CEP112: variants seen among roughly 807,000 people sequenced by gnomAD.
CEP112 encodes centrosomal protein of 112 kDa.
In CEP112, 127 loss-of-function variants were observed where a neutral mutation model predicts 153.0. The ratio of observed to expected loss-of-function variants is 0.83; its 90% CI spans 0.72 to 0.96. CEP112 has a LOEUF of 0.96. CEP112 is among the 40% of genes least tolerant of loss of function. The probability of loss-of-function intolerance (pLI) is 0.00; values close to 1 mark genes in which losing one functional copy is unlikely to be tolerated. For missense variants in CEP112, 1,089 were observed against 1,101.2 expected (o/e 0.99, Z 0.16); for synonymous variants, 358 against 374.4 (o/e 0.96, Z 0.51).
At chr17:65,991,780 T>C (rs7209011) in intron 17 of CEP112, among the ~76,000 whole-genome samples, 88,752 of 151,714 alleles carry the variant, frequency 0.58, 27,331 homozygotes, top group African/African-American at 0.72. Flanking sequence ...ACTATTAATT[T>C]CTTGAGATAT....
At chr17:66,084,373 A>G (rs999729428) in intron 8 of CEP112, among the ~76,000 whole-genome samples, 2 of 152,236 alleles carry the variant, frequency 1.3e-5, no homozygotes, top group Admixed American at 6.5e-5. Context: ...TGTTTATTGC[A>G]GCACTAATAA....
intron 21 of CEP112, among the ~76,000 whole-genome samples, chr17:65,771,836 G>A (rs1020059996): frequency 6.6e-6 from 1 of 151,922 alleles, no homozygotes; most frequent in Non-Finnish European, 1.5e-5. Context: ...GCAACATAGT[G>A]AGACCCCATG....
At chr17:66,108,238 G>A (rs935286890) in intron 6 of CEP112, among the ~76,000 whole-genome samples, 13 of 152,024 alleles carry the variant, frequency 8.6e-5, no homozygotes, top group African/African-American at 3.1e-4. Flanking sequence ...CATTGGAGTG[G>A]GCAAAGATTT....
At chr17:65,658,770 T>A (rs1253290245) in intron 24 of CEP112, among the ~76,000 whole-genome samples, 1 of 152,020 alleles carries the variant, frequency 6.6e-6, no homozygotes, top group Non-Finnish European at 1.5e-5. Context: ...TATAAGGGAC[T>A]TCCACATTTA....
chr17:65,777,931 G>A (rs960387708), intron 21 of CEP112, among the ~76,000 whole-genome samples: 1 of 152,002 alleles, frequency 6.6e-6, no homozygotes, highest in Non-Finnish European at 1.5e-5. Context: ...TCAGTTCATT[G>A]GTCCATCACA....
intron 17 of CEP112, among the ~76,000 whole-genome samples, chr17:65,985,047 A>AGGT (rs1378853213): frequency 2.0e-5 from 3 of 152,230 alleles, no homozygotes; most frequent in African/African-American, 7.2e-5. Context: ...ATTGGCTTGA[A>AGGT]GGTAGATGAT....
intron 8 of CEP112, among the ~76,000 whole-genome samples, chr17:66,085,304 C>T (rs1179010356): frequency 1.3e-5 from 2 of 152,104 alleles, no homozygotes; most frequent in African/African-American, 4.8e-5. Flanking sequence ...TTTTAATCAT[C>T]CTAAAAAGAA....
At chr17:65,827,925 T>C (rs1394525179) in intron 21 of CEP112, among the ~76,000 whole-genome samples, 5 of 152,208 alleles carry the variant, frequency 3.3e-5, no homozygotes, top group Non-Finnish European at 2.9e-5. Flanking sequence ...GGCCACACTA[T>C]ATAAATGGTA....
At chr17:65,675,365 C>T (rs985761349) in intron 24 of CEP112, among the ~76,000 whole-genome samples, 1 of 152,166 alleles carries the variant, frequency 6.6e-6, no homozygotes, top group Non-Finnish European at 1.5e-5. Context: ...ACCACCATGT[C>T]CAGCTAATTT....
chr17:65,941,510 T>C (rs976406946), intron 18 of CEP112: 2 of 152,158 alleles, frequency 1.3e-5, no homozygotes, highest in East Asian at 3.8e-4. Context: ...AATTCAAAAA[T>C]CATCTTACAA....
intron 20 of CEP112, among the ~76,000 whole-genome samples, chr17:65,893,398 G>A (rs2059546504): frequency 6.6e-6 from 1 of 152,076 alleles, no homozygotes; most frequent in East Asian, 1.9e-4. Context: ...AACCCTGGAA[G>A]TCTAATTGTG....
chr17:65,758,728 A>G (rs1193955978), intron 21 of CEP112, among the ~76,000 whole-genome samples: 3 of 152,236 alleles, frequency 2.0e-5, no homozygotes, highest in African/African-American at 7.2e-5. Flanking sequence ...TCTGAATAAA[A>G]TAGTTGTTTT....
Position 66,029,231 on chromosome 17 carries a change from CTCT to C in CEP112, c.1392_1394del (p.Glu465del), listed in dbSNP as rs754911911. On this transcript the variant is annotated inframe_deletion, in exon 14 of 27. Transcript: ENST00000535342. The stretch of plus-strand genomic sequence containing the variant: ...CATAATCATTTACAAGATGGTCCTT[CTCT>C]TTATGCAGTGTGTTACGCCTAAAAA... The C allele has an allele frequency of 2.0e-5, 32 of 1,611,520 alleles. No homozygotes were observed. Among genetic ancestry groups the C allele is most frequent in the Non-Finnish European group, 2.5e-5 (30 of 1,178,484 alleles).
intron 9 of CEP112, among the ~76,000 whole-genome samples, chr17:66,069,548 A>C (rs1306791631): frequency 6.6e-6 from 1 of 152,122 alleles, no homozygotes; most frequent in East Asian, 1.9e-4. Flanking sequence ...AAACCAAAAG[A>C]ATATTAGAAT....
rs570051244 is a variant in CEP112 at position 66,185,384 on chromosome 17, G to A, written c.-8-2077C>T. On this transcript the variant is annotated intron_variant, in intron 1 of 26. Coordinates refer to ENST00000535342, the MANE Select transcript of CEP112 (RefSeq NM_001199165.4). ...ATTACAGGCACACACCACCATGCCCGGCTAACTTTTCTATTTTTAGTAGAG... is the reference window on the plus strand; with the variant it reads ...ATTACAGGCACACACCACCATGCCCAGCTAACTTTTCTATTTTTAGTAGAG... Among the ~76,000 whole-genome samples the A allele has an allele frequency of 9.4e-4, 143 of 152,102 alleles. 1 individual carries two copies. Among genetic ancestry groups the A allele is most frequent in the African/African-American group, 3.3e-3 (136 of 41,506 alleles).
At chr17:65,773,119 T>C (rs1211494945) in intron 21 of CEP112, among the ~76,000 whole-genome samples, 1 of 152,002 alleles carries the variant, frequency 6.6e-6, no homozygotes, top group Non-Finnish European at 1.5e-5. Flanking sequence ...TGAAAACGAA[T>C]CAAGTGACTG....
intron 19 of CEP112, among the ~76,000 whole-genome samples, chr17:65,909,894 T>C (rs376948943): frequency 8.0e-4 from 122 of 152,306 alleles, no homozygotes; most frequent in African/African-American, 2.9e-3. Context: ...ATCCCAGTTT[T>C]AGAGAAAAAT....
At chr17:66,064,804 AAAG>A (rs1426148805) in intron 10 of CEP112, among the ~76,000 whole-genome samples, 1 of 152,210 alleles carries the variant, frequency 6.6e-6, no homozygotes, top group Non-Finnish European at 1.5e-5. Context: ...GAATCAGGGT[AAAG>A]AAGAAGACCT....
In CEP112 at chr17:65,968,543, T is replaced by C. The variant is rs149134429; in HGVS notation, c.1737-6945A>G. ...GTCCCACTACTTTTAGAGAATTGTA[T>C]TGCTACAAAATATAACATTTATAGT... On this transcript the variant is annotated intron_variant, in intron 17 of 26. Transcript: ENST00000535342. Among the ~76,000 whole-genome samples the C allele has an allele frequency of 2.6e-5, 4 of 152,330 alleles. No homozygotes were observed. The East Asian group carries it at 7.7e-4, about 29-fold the overall frequency.
Sources: allele counts gnomAD v4.1 joint callset (sites outside exome capture counted in the v4.1 genomes callset), GRCh38; gene constraint gnomAD v4.1.1; transcripts MANE v1.5; gene names NCBI Gene and HGNC (gene_info 2026-07-23, HGNC 2026-07-21).